Variants in CFAP119 observed in about 807,000 individuals in gnomAD.
CFAP119 encodes cilia- and flagella-associated protein 119.
At chr16:30,757,463 A>C in the CFAP119 span, 13 of 1,608,766 alleles carry the variant, frequency 8.1e-6, no homozygotes. Flanking sequence ...TTTATTGGGG[A>C]AAATGTTGGG....
At chr16:30,761,197 C>T in the CFAP119 span, 1 of 1,613,970 alleles carries the variant, frequency 6.2e-7, no homozygotes, top group Non-Finnish European at 8.5e-7. Flanking sequence ...TTCACACTCA[C>T]CACATGCAGA....
At chr16:30,760,246 C>T in the CFAP119 span, 2 of 1,613,910 alleles carry the variant, frequency 1.2e-6, no homozygotes, top group African/African-American at 1.3e-5. Flanking sequence ...GGTTCCTCTT[C>T]TCCCTGGGGC....
the CFAP119 span, chr16:30,760,226 T>G: frequency 1.2e-6 from 2 of 1,613,100 alleles, no homozygotes; most frequent in Non-Finnish European, 1.7e-6. Flanking sequence ...TGGTCACTTG[T>G]GCCAGGCCCG....
the CFAP119 span, chr16:30,761,130 G>A: frequency 1.3e-6 from 2 of 1,560,688 alleles, no homozygotes; most frequent in Non-Finnish European, 1.8e-6. Context: ...CCTGGCCACA[G>A]ACAGGACTGT....
the CFAP119 span, chr16:30,761,740 G>A: frequency 6.6e-7 from 1 of 1,522,946 alleles, no homozygotes. Flanking sequence ...TGGTCTTGCG[G>A]TTGAGCATCT....
chr16:30,760,481 A>G, the CFAP119 span: 11 of 1,612,952 alleles, frequency 6.8e-6, no homozygotes, highest in Non-Finnish European at 9.3e-6. Flanking sequence ...AGTGAGTGAC[A>G]ACTGGGCCTC....
the CFAP119 span, chr16:30,757,556 C>T: frequency 6.2e-7 from 1 of 1,614,250 alleles, no homozygotes; most frequent in Non-Finnish European, 8.5e-7. Context: ...CTGAGCCTTT[C>T]CTCGCTGGCC....
At chr16:30,758,020 A>C in the CFAP119 span, 1 of 197,224 alleles carries the variant, frequency 5.1e-6, no homozygotes, top group Non-Finnish European at 1.0e-5. Context: ...CAGGGCATGC[A>C]CTGCACACCT....
the CFAP119 span, chr16:30,757,641 G>A: frequency 6.2e-6 from 10 of 1,612,860 alleles, no homozygotes; most frequent in South Asian, 6.6e-5. Context: ...AGGCTCGGAG[G>A]ACGTGGATGT....
the CFAP119 span, chr16:30,760,167 T>C: frequency 5.6e-6 from 9 of 1,595,418 alleles, no homozygotes; most frequent in Non-Finnish European, 7.6e-6. Context: ...ATGATGATGC[T>C]ACTAATAATG....
At chr16:30,761,762 C>T in the CFAP119 span, 3 of 1,511,736 alleles carry the variant, frequency 2.0e-6, no homozygotes, top group East Asian at 2.5e-5. Context: ...GCCGCTCTTC[C>T]GTGCCGCGAG....
chr16:30,758,234 GCTAA>G, the CFAP119 span: 1 of 152,350 alleles, frequency 6.6e-6, no homozygotes, highest in African/African-American at 2.4e-5. Context: ...ACCACGCCCG[GCTAA>G]CTTTTTGTAT....
the CFAP119 span, chr16:30,761,553 A>C: frequency 6.5e-7 from 1 of 1,536,168 alleles, no homozygotes; most frequent in South Asian, 1.2e-5. Flanking sequence ...ACCGGAAACA[A>C]GTTGGCTCCG....
At chr16:30,757,908 C>T in the CFAP119 span, 18 of 947,874 alleles carry the variant, frequency 1.9e-5, no homozygotes, top group Non-Finnish European at 2.6e-5. Context: ...GTTATTTAAC[C>T]TATCTGTGCC....
chr16:30,761,637 A>G, the CFAP119 span: 1 of 1,535,898 alleles, frequency 6.5e-7, no homozygotes, highest in Non-Finnish European at 8.7e-7. Context: ...CGCGCGGCCG[A>G]CCCATGCACT....
chr16:30,759,438 G>A, the CFAP119 span: 7 of 1,614,228 alleles, frequency 4.3e-6, no homozygotes, highest in Non-Finnish European at 4.2e-6. Flanking sequence ...CTTTGAAGAG[G>A]TCGATGCTGA....
chr16:30,760,664 A>T, the CFAP119 span: 1 of 1,541,750 alleles, frequency 6.5e-7, no homozygotes, highest in Non-Finnish European at 8.7e-7. Context: ...ACGTCCAGGT[A>T]CTTCCTGTTA....
chr16:30,761,682 C>A, the CFAP119 span: 1 of 1,535,866 alleles, frequency 6.5e-7, no homozygotes, highest in Non-Finnish European at 8.7e-7. Context: ...CGCCGCAGCT[C>A]GGAGAGATGT....
At chr16:30,760,503 C>G in the CFAP119 span, 1 of 1,611,944 alleles carries the variant, frequency 6.2e-7, no homozygotes, top group Non-Finnish European at 8.5e-7. Context: ...TTTCATCACC[C>G]TACACCCACC....
Sources: allele counts gnomAD v4.1 joint callset, GRCh38; gene constraint gnomAD v4.1.1; transcripts MANE v1.5; gene names NCBI Gene and HGNC (gene_info 2026-07-23, HGNC 2026-07-21).